ELMO1: variants seen among roughly 807,000 people sequenced by gnomAD.
ELMO1 encodes engulfment and cell motility 1.
In ELMO1, 26 loss-of-function variants were observed where a neutral mutation model predicts 98.9. The observed-to-expected ratio is 0.26, with a 90% CI of 0.19 to 0.36. ELMO1 has a LOEUF of 0.36. Among genes scored for constraint, ELMO1 ranks in the 10% least tolerant of loss-of-function variants. The probability of loss-of-function intolerance (pLI) is 1.00; values close to 1 mark genes in which losing one functional copy is unlikely to be tolerated. For synonymous variants in ELMO1, 346 were observed against 346.0 expected (o/e 1.00, Z 0.00); for missense variants, 627 against 935.2 (o/e 0.67, Z 4.30).
intron 15 of ELMO1, among the ~76,000 whole-genome samples, chr7:37,081,748 C>T (rs1490560245): frequency 6.6e-6 from 1 of 152,136 alleles, no homozygotes; most frequent in African/African-American, 2.4e-5. Flanking sequence ...TTATAAATTA[C>T]CCAGTCACAG....
At chr7:37,123,038 A>G (rs112009150) in intron 14 of ELMO1, among the ~76,000 whole-genome samples, 4,361 of 149,988 alleles carry the variant, frequency 0.029, 187 homozygotes, top group African/African-American at 0.094. Flanking sequence ...AATGACTACT[A>G]GGTACATAAC....
chr7:37,408,065 A>T (rs1803846049), intron 1 of ELMO1, among the ~76,000 whole-genome samples: 1 of 152,232 alleles, frequency 6.6e-6, no homozygotes, highest in South Asian at 2.1e-4. Context: ...AAGAACATTG[A>T]ATACCACAAT....
At chr7:37,102,077 C>T (rs1043248900) in intron 14 of ELMO1, among the ~76,000 whole-genome samples, 1 of 152,216 alleles carries the variant, frequency 6.6e-6, no homozygotes, top group East Asian at 1.9e-4. Context: ...GGTCAATGTC[C>T]CCTTAGGAAT....
intron 2 of ELMO1, among the ~76,000 whole-genome samples, chr7:37,318,363 C>CG (rs1368986503): frequency 6.6e-6 from 1 of 152,134 alleles, no homozygotes; most frequent in Non-Finnish European, 1.5e-5. Flanking sequence ...ACATAAATAA[C>CG]GGAGCCAGGT....
intron 14 of ELMO1, among the ~76,000 whole-genome samples, chr7:37,118,970 T>C (rs1285589984): frequency 2.0e-5 from 3 of 152,206 alleles, no homozygotes; most frequent in African/African-American, 2.4e-5. Context: ...ACACATATTA[T>C]CTGGATTTAA....
chr7:36,960,709 A>T (rs1788869386), intron 16 of ELMO1, among the ~76,000 whole-genome samples: 1 of 151,566 alleles, frequency 6.6e-6, no homozygotes, highest in South Asian at 2.1e-4. Flanking sequence ...CTTACATCTT[A>T]TATTTTAAGA....
At chr7:37,335,954 G>T (rs1800381624) in intron 2 of ELMO1, among the ~76,000 whole-genome samples, 1 of 152,122 alleles carries the variant, frequency 6.6e-6, no homozygotes, top group South Asian at 2.1e-4. Flanking sequence ...AGGGCACTGT[G>T]GTGGTTCATG....
intron 1 of ELMO1, among the ~76,000 whole-genome samples, chr7:37,372,182 C>G (rs893861829): frequency 4.0e-5 from 6 of 151,608 alleles, no homozygotes; most frequent in Non-Finnish European, 8.8e-5. Context: ...TATAAAGAAT[C>G]TAGTCTTGCC....
chr7:37,109,431 G>A (rs1359406446), intron 14 of ELMO1, among the ~76,000 whole-genome samples: 1 of 152,150 alleles, frequency 6.6e-6, no homozygotes, highest in Non-Finnish European at 1.5e-5. Context: ...AAATGTATGA[G>A]ATGAGAGGGA....
chr7:36,892,352 A>G (rs1002550550), intron 17 of ELMO1, among the ~76,000 whole-genome samples: 3 of 152,182 alleles, frequency 2.0e-5, no homozygotes, highest in Non-Finnish European at 4.4e-5. Context: ...GAAAATCCCA[A>G]TATCCTAACC....
chr7:37,378,401 T>C (rs1320699535), intron 1 of ELMO1, among the ~76,000 whole-genome samples: 1 of 152,174 alleles, frequency 6.6e-6, no homozygotes, highest in Non-Finnish European at 1.5e-5. Context: ...GAGGTAGAAC[T>C]GAGGAGATGA....
intron 11 of ELMO1, among the ~76,000 whole-genome samples, chr7:37,216,207 T>C (rs1370034909): frequency 1.3e-5 from 2 of 151,970 alleles, no homozygotes; most frequent in Non-Finnish European, 2.9e-5. Flanking sequence ...TCTATATCTT[T>C]CCTTCCTCTC....
At chr7:37,126,329 A>ATATATATATATATATATATAT (rs1563019733) in intron 14 of ELMO1, among the ~76,000 whole-genome samples, 1 of 142,414 alleles carries the variant, frequency 7.0e-6, no homozygotes. Context: ...ATATATATAT[A>ATATATATATATATATATATAT]AAAGAAAAGA....
intron 1 of ELMO1, among the ~76,000 whole-genome samples, chr7:37,387,205 A>G (rs1802843727): frequency 6.6e-6 from 1 of 152,250 alleles, no homozygotes; most frequent in Non-Finnish European, 1.5e-5. Context: ...ACTAAACTCA[A>G]CCCAAGAGTG....
chr7:37,140,385 CAAA>C (rs549057573), intron 13 of ELMO1, among the ~76,000 whole-genome samples: 1 of 129,132 alleles, frequency 7.7e-6, no homozygotes. Context: ...GACTCCGTCT[CAAA>C]AAAAAAAAAG....
chr7:37,399,491 G>A (rs954119526), intron 1 of ELMO1, among the ~76,000 whole-genome samples: 10 of 152,140 alleles, frequency 6.6e-5, no homozygotes, highest in African/African-American at 1.7e-4. Context: ...AGCCCAACAC[G>A]AGCCCAGCAC....
At chr7:37,077,106 T>C (rs967163766) in intron 15 of ELMO1, among the ~76,000 whole-genome samples, 15 of 152,260 alleles carry the variant, frequency 9.9e-5, no homozygotes, top group South Asian at 2.1e-4. Context: ...TTTACATACA[T>C]GTTGGATTAA....
chr7:36,894,199 G>A (rs1332752718), intron 17 of ELMO1, among the ~76,000 whole-genome samples: 1 of 152,218 alleles, frequency 6.6e-6, no homozygotes, highest in African/African-American at 2.4e-5. Context: ...TACCCCTCAT[G>A]TGTGAGTTCA....
At chr7:36,860,973 A>G (rs1260509841) in intron 21 of ELMO1, among the ~76,000 whole-genome samples, 1 of 152,190 alleles carries the variant, frequency 6.6e-6, no homozygotes, top group Non-Finnish European at 1.5e-5. Context: ...AAAGCTGTTT[A>G]TGCAACCACA....
Sources: gnomAD v4.1 joint callset for allele counts (sites outside exome capture counted in the v4.1 genomes callset) on GRCh38, gnomAD v4.1.1 for gene constraint, MANE v1.5 for transcripts, NCBI Gene and HGNC (gene_info 2026-07-23, HGNC 2026-07-21) for gene names.